Variants in USP34 observed in about 807,000 individuals in gnomAD.
The protein encoded by USP34 is ubiquitin specific peptidase 34, also known as ubiquitin carboxyl-terminal hydrolase 34.
In USP34, 70 loss-of-function variants were observed where a neutral mutation model predicts 460.3. That is an observed-to-expected ratio of 0.15 (90% CI 0.13 to 0.19). USP34 has a LOEUF of 0.19. Ranked by LOEUF, USP34 falls within the 10% of genes least tolerant of loss-of-function variation. The pLI is 1.00. For synonymous variants in USP34, 1,647 were observed against 1,405.3 expected, an observed-to-expected ratio of 1.17 and a Z score of -3.85; for missense variants, 3,985 against 4,236.2, an observed-to-expected ratio of 0.94 and a Z score of 1.65.
At chr2:61,447,291 C>G (rs1421085619) in intron 1 of USP34, among the ~76,000 whole-genome samples, 2 of 101,038 alleles carry the variant, frequency 2.0e-5, no homozygotes, top group African/African-American at 3.4e-5. Context: ...AACCAGAAAA[C>G]ATATATAATT....
chr2:61,370,921 G>C (rs1485151054), intron 8 of USP34, among the ~76,000 whole-genome samples: 1 of 152,146 alleles, frequency 6.6e-6, no homozygotes, highest in Non-Finnish European at 1.5e-5. Flanking sequence ...AAGCACTCAG[G>C]AAAGGTTTCC....
At chr2:61,378,546 T>C in intron 7 of USP34, 122 bp from the exon 8 acceptor site, 1 of 562,748 alleles carries the variant, frequency 1.8e-6, no homozygotes, top group Non-Finnish European at 3.1e-6. Context: ...ATTAATATTA[T>C]AAAATCTAAG....
At chr2:61,248,381 G>T in intron 49 of USP34, 130 bp downstream of exon 49, 1 of 872,388 alleles carries the variant, frequency 1.1e-6, no homozygotes, top group Non-Finnish European at 1.7e-6. Context: ...GCATGACATT[G>T]TCTTAACCTT....
intron 48 of USP34, among the ~76,000 whole-genome samples, chr2:61,252,406 GCAGCAGCAA>G (rs1688611014): frequency 7.4e-6 from 1 of 135,438 alleles, no homozygotes; most frequent in African/African-American, 2.7e-5. Flanking sequence ...AGCAGCAGCA[GCAGCAGCAA>G]CAGCAGAAAA....
intron 53 of USP34, among the ~76,000 whole-genome samples, chr2:61,239,690 C>A (rs555701315): frequency 2.0e-5 from 3 of 152,238 alleles, no homozygotes; most frequent in South Asian, 2.1e-4. Flanking sequence ...ACATTCCTGG[C>A]TTTTTACCAT....
At chr2:61,343,786 A>G in intron 16 of USP34, 29 bp downstream of exon 16, 3 of 1,585,770 alleles carry the variant, frequency 1.9e-6, no homozygotes, top group Non-Finnish European at 2.6e-6. Flanking sequence ...TGAAGAAGGT[A>G]ATATATTTTA....
intron 33 of USP34, among the ~76,000 whole-genome samples, chr2:61,291,655 G>T (rs1022583189): frequency 1.3e-5 from 2 of 152,150 alleles, no homozygotes. Context: ...ACAGACACAT[G>T]AAAAGCTGCT....
intron 2 of USP34, among the ~76,000 whole-genome samples, chr2:61,416,575 A>T (rs888448394): frequency 1.3e-5 from 2 of 152,188 alleles, no homozygotes; most frequent in African/African-American, 4.8e-5. Context: ...AAAAGAAAAA[A>T]AATCAACACT....
In USP34 at chr2:61,223,312, AG is replaced by A; in HGVS notation, c.7596-17del. ...TGTCAAATGCCTGAAAGAAAATATT[AG>A]TGGAAATAAGTTTTTCTTCCTTCTG... On this transcript the variant is annotated splice_polypyrimidine_tract_variant and intron_variant, in intron 62 of 79. Coordinates refer to ENST00000398571, the MANE Select transcript of USP34 (RefSeq NM_014709.4). The A allele has an allele frequency of 6.2e-7, 1 of 1,610,560 alleles. No homozygotes were observed. Among genetic ancestry groups the A allele is most frequent in the Non-Finnish European group, 8.5e-7 (1 of 1,178,818 alleles).
At chr2:61,320,698 T>G (rs576010202) in intron 21 of USP34, among the ~76,000 whole-genome samples, 7 of 152,138 alleles carry the variant, frequency 4.6e-5, no homozygotes, top group African/African-American at 1.4e-4. Context: ...GACATTGTCT[T>G]TACAAAAAAT....
intron 7 of USP34, 133 bp downstream of exon 7, chr2:61,380,036 G>C: frequency 4.7e-6 from 3 of 636,552 alleles, no homozygotes; most frequent in Non-Finnish European, 7.5e-6. Flanking sequence ...TATTTGTGAA[G>C]ACCATATAAA....
intron 2 of USP34, among the ~76,000 whole-genome samples, chr2:61,417,552 A>C (rs1694230794): frequency 6.6e-6 from 1 of 152,162 alleles, no homozygotes; most frequent in East Asian, 1.9e-4. Flanking sequence ...TACTGTTCTC[A>C]GTCTCACACC....
At chr2:61,429,723 G>A (rs996682808) in intron 1 of USP34, among the ~76,000 whole-genome samples, 1 of 152,142 alleles carries the variant, frequency 6.6e-6, no homozygotes, top group Non-Finnish European at 1.5e-5. Flanking sequence ...ACTTCTAACC[G>A]TATGCTAAGT....
chr2:61,319,064 G>A, intron 22 of USP34, 109 bp downstream of exon 22: 4 of 1,063,136 alleles, frequency 3.8e-6, no homozygotes, highest in Non-Finnish European at 3.9e-6. Flanking sequence ...ATTACATTTG[G>A]CTACTTAAAA....
intron 21 of USP34, 73 bp downstream of exon 21, chr2:61,325,302 C>A (rs1237501437): frequency 4.6e-5 from 43 of 940,312 alleles, no homozygotes; most frequent in Non-Finnish European, 6.1e-5. Context: ...CTGCAGAAAT[C>A]AGAAGCAAAA....
chr2:61,336,982 G>T (rs1691439570), intron 18 of USP34, among the ~76,000 whole-genome samples: 2 of 151,976 alleles, frequency 1.3e-5, no homozygotes, highest in South Asian at 4.2e-4. Flanking sequence ...GACCCTTAAT[G>T]GCTGCATGAT....
intron 15 of USP34, 150 bp from the exon 16 acceptor site, chr2:61,344,179 A>G: frequency 2.9e-6 from 2 of 691,940 alleles, no homozygotes; most frequent in East Asian, 2.7e-5. Context: ...GAGCTTTACG[A>G]AACTGAAAAC....
At chr2:61,417,050 G>A in intron 2 of USP34, 1 of 1,326,188 alleles carries the variant, frequency 7.5e-7, no homozygotes, top group South Asian at 1.2e-5. Flanking sequence ...TGGCAGCCGG[G>A]GAACTTGAAC....
intron 43 of USP34, among the ~76,000 whole-genome samples, chr2:61,261,716 T>A (rs1390990858): frequency 1.3e-5 from 2 of 152,092 alleles, no homozygotes. Flanking sequence ...CATGTGAGCA[T>A]CAGAAAAGGG....
Sources: allele counts gnomAD v4.1 joint callset (sites outside exome capture counted in the v4.1 genomes callset), GRCh38; gene constraint gnomAD v4.1.1; transcripts MANE v1.5; gene names NCBI Gene and HGNC (gene_info 2026-07-23, HGNC 2026-07-21).